The following SSH2 variants were observed in gnomAD, a reference collection of about 807,000 sequenced individuals.
SSH2 encodes protein phosphatase Slingshot homolog 2.
Under a neutral mutation model 135.2 loss-of-function variants are expected in SSH2, and 37 were observed. The observed-to-expected ratio is 0.27, with a 90% CI of 0.21 to 0.36. The LOEUF is 0.36. Among genes scored for constraint, SSH2 ranks in the 10% least tolerant of loss-of-function variants. SSH2 has a pLI of 1.00. For synonymous variants in SSH2, 628 were observed against 646.2 expected, an observed-to-expected ratio of 0.97 and a Z score of 0.43; for missense variants, 1,408 against 1,765.3, an observed-to-expected ratio of 0.80 and a Z score of 3.63.
chr17:29,723,017 A>G (rs959536588), intron 3 of SSH2, among the ~76,000 whole-genome samples: 5 of 152,190 alleles, frequency 3.3e-5, no homozygotes, highest in African/African-American at 1.2e-4. Context: ...GGCAATGTCT[A>G]CTACTCAAAT....
At chr17:29,731,582 A>C (rs1436375681) in intron 3 of SSH2, among the ~76,000 whole-genome samples, 1 of 152,028 alleles carries the variant, frequency 6.6e-6, no homozygotes, top group African/African-American at 2.4e-5. Context: ...CAGCCTCCTG[A>C]GTAGCTGGGA....
intron 11 of SSH2, among the ~76,000 whole-genome samples, chr17:29,659,873 C>A (rs1182366548): frequency 6.6e-6 from 1 of 150,786 alleles, no homozygotes; most frequent in Non-Finnish European, 1.5e-5. Flanking sequence ...GCTCTATCGC[C>A]AAGGTGGAGT....
Position 29,627,109 on chromosome 17 carries a change from A to G in SSH2, c.*3732T>C, listed in dbSNP as rs1369875282. The G allele has an allele frequency of 6.6e-6, 1 of 152,586 alleles. No homozygotes were observed. The highest frequency in any genetic ancestry group is 1.5e-5 in the Non-Finnish European group (1 of 68,038). 9.5% of individuals were successfully genotyped at this position (152,586 alleles called of 1,614,324 possible). A position where few individuals can be genotyped will look rare whatever the true frequency, so the allele number is the denominator to read the frequency against. Reference sequence around the variant, plus strand: ...ATGGCCCTGCTCTGCATGAGGACTCACAGGACAGCCAGGGCACTGATGCCT... The same window carrying G: ...ATGGCCCTGCTCTGCATGAGGACTCGCAGGACAGCCAGGGCACTGATGCCT... On this transcript the variant is annotated 3_prime_UTR_variant, in exon 16 of 16. Transcript: ENST00000540801.
chr17:29,844,806 T>C (rs1490954932), intron 2 of SSH2, among the ~76,000 whole-genome samples: 2 of 152,212 alleles, frequency 1.3e-5, no homozygotes, highest in Non-Finnish European at 2.9e-5. Flanking sequence ...GGGGCCTCTC[T>C]GCACTCCTGC....
At position 29,788,199 on chromosome 17, in the gene SSH2, C is replaced by T. The variant is rs529161103; in HGVS notation, c.188+5695G>A. Among the ~76,000 whole-genome samples the T allele has an allele frequency of 5.3e-5, 8 of 152,244 alleles. No individual in the cohort carries two copies. In the South Asian group the frequency reaches 8.3e-4, roughly 16 times the overall value. ...CCAGTATTTGGTTAAATATTATTCT[C>T]GGCTTATCTGTGAGGGTGTTTCTGG... On this transcript the variant is annotated intron_variant, in intron 3 of 15. Transcript: ENST00000540801.
rs187678701 is a variant in SSH2, at chr17:29,737,053, C to T, written c.189-33991G>A. Among the ~76,000 whole-genome samples, 119 of 127,250 alleles carry T rather than the reference C, an allele frequency of 9.4e-4. 1 individual carries two copies. The highest frequency in any genetic ancestry group is 3.5e-3 in the African/African-American group (115 of 32,440). The allele number at this position is 127,250 out of a possible 152,430, so 83.5% of individuals were successfully genotyped here. A position where few individuals can be genotyped will look rare whatever the true frequency, so the allele number is the denominator to read the frequency against. Reference sequence around the variant, plus strand: ...GGCGGAGCTTGCAGTGAGCCAAGATCGCACCACTGCACTCCAGCCTGGGCG... The same window carrying T: ...GGCGGAGCTTGCAGTGAGCCAAGATTGCACCACTGCACTCCAGCCTGGGCG... On this transcript the variant is annotated intron_variant, in intron 3 of 15. Transcript: ENST00000540801.
intron 12 of SSH2, among the ~76,000 whole-genome samples, chr17:29,651,041 C>T (rs1179294764): frequency 6.6e-6 from 1 of 152,196 alleles, no homozygotes; most frequent in Non-Finnish European, 1.5e-5. Flanking sequence ...CCATGTTCAA[C>T]ATCTAAATTC....
intron 3 of SSH2, among the ~76,000 whole-genome samples, chr17:29,730,720 T>C (rs1198000012): frequency 6.6e-6 from 1 of 152,198 alleles, no homozygotes; most frequent in Admixed American, 6.5e-5. Context: ...ATTACAGGCA[T>C]GAGCCACTGC....
At chr17:29,797,832 G>A (rs2042183951) in intron 2 of SSH2, among the ~76,000 whole-genome samples, 1 of 152,164 alleles carries the variant, frequency 6.6e-6, no homozygotes, top group East Asian at 1.9e-4. Context: ...AAGTTGCAGT[G>A]AGCTATGATC....
chr17:29,841,086 G>C (rs1251741330), intron 2 of SSH2, among the ~76,000 whole-genome samples: 1 of 152,160 alleles, frequency 6.6e-6, no homozygotes, highest in Non-Finnish European at 1.5e-5. Flanking sequence ...GTGTATGATG[G>C]CTGGGAGGGT....
intron 14 of SSH2, among the ~76,000 whole-genome samples, chr17:29,641,955 T>TTA (rs1491495877): frequency 1.1e-5 from 1 of 88,862 alleles, no homozygotes; most frequent in Non-Finnish European, 2.4e-5. Flanking sequence ...TTTTTTTTTT[T>TTA]AAAAAAAGAG....
In SSH2 at chr17:29,763,677, T is replaced by G. The variant is rs968328964; in HGVS notation, c.188+30217A>C. Among the ~76,000 whole-genome samples, 25 of 152,136 alleles carry G rather than the reference T, an allele frequency of 1.6e-4. 1 individual carries two copies. Among genetic ancestry groups the G allele is most frequent in the African/African-American group, 5.3e-4 (22 of 41,428 alleles). On this transcript the variant is annotated intron_variant, in intron 3 of 15. Coordinates refer to ENST00000540801, the MANE Select transcript of SSH2 (RefSeq NM_001282129.2). ...AAAGCAGGAAATGTATATTATTCAA[T>G]TCATACTTAATATCTCTTGCATTTA...
chr17:29,736,588 C>G (rs564619903), intron 3 of SSH2, among the ~76,000 whole-genome samples: 2 of 151,600 alleles, frequency 1.3e-5, no homozygotes, highest in East Asian at 3.9e-4. Context: ...GAGATCGAGA[C>G]CATCCTGGCT....
intron 1 of SSH2, among the ~76,000 whole-genome samples, chr17:29,893,316 G>A (rs1465709494): frequency 1.3e-5 from 2 of 151,964 alleles, no homozygotes; most frequent in African/African-American, 4.8e-5. Flanking sequence ...GGGGAGAATT[G>A]CTATAGTCTG....
At chr17:29,811,433 A>C (rs2042439837) in intron 2 of SSH2, among the ~76,000 whole-genome samples, 2 of 152,260 alleles carry the variant, frequency 1.3e-5, no homozygotes, top group Non-Finnish European at 2.9e-5. Flanking sequence ...TTAAAAAATA[A>C]ATTTTTATAT....
intron 2 of SSH2, among the ~76,000 whole-genome samples, chr17:29,832,042 C>T (rs1401959427): frequency 6.6e-6 from 1 of 152,146 alleles, no homozygotes; most frequent in Non-Finnish European, 1.5e-5. Context: ...GCAACTGTAC[C>T]TATTATACAC....
At chr17:29,827,119 T>C (rs1403314935) in intron 2 of SSH2, among the ~76,000 whole-genome samples, 2 of 152,196 alleles carry the variant, frequency 1.3e-5, no homozygotes, top group Non-Finnish European at 2.9e-5. Flanking sequence ...AAATACACAC[T>C]AGGGAACACA....
chr17:29,722,379 A>G (rs974731515), intron 3 of SSH2, among the ~76,000 whole-genome samples: 1 of 152,198 alleles, frequency 6.6e-6, no homozygotes, highest in Non-Finnish European at 1.5e-5. Context: ...GTTGGATCTC[A>G]GCCATACTCT....
chr17:29,648,204 G>A lies in SSH2; in HGVS notation c.1367C>T (p.Thr456Ile). Residue 456 changes from threonine (T) to isoleucine (I), a missense_variant, in exon 14 of 16, where the codon ACC becomes ATC. Thr to Ile is a moderately conservative substitution (Grantham distance 89). Around this residue, in one of 3 missense-constraint regions of SSH2, gnomAD observed 106 missense variants for 265.2 expected, o/e 0.40. Transcript: ENST00000540801. ...TCTCATGAAGCTTGGGTTGGGCTTG[G>A]TTACCGTTCGTCTTTCTTTCACATA... ...YDYVKERRTV[T>I]KPNPSFMRQL... is the part of the protein sequence containing the mutation. The A allele has an allele frequency of 6.2e-7, 1 of 1,614,076 alleles. No homozygotes were observed. The highest frequency in any genetic ancestry group is 8.5e-7 in the Non-Finnish European group (1 of 1,180,030).
Sources: gnomAD v4.1 joint callset for allele counts (sites outside exome capture counted in the v4.1 genomes callset) on GRCh38, gnomAD v4.1.1 for gene constraint, gnomAD v4.1.1 regional missense constraint, MANE v1.5 for transcripts, NCBI Gene and HGNC (gene_info 2026-07-23, HGNC 2026-07-21) for gene names.